TOM1: variants seen among roughly 807,000 people sequenced by gnomAD.
TOM1 encodes the protein target of Myb protein 1.
Under a neutral mutation model 61.3 loss-of-function variants are expected in TOM1, and 38 were observed. The ratio of observed to expected loss-of-function variants is 0.62; its 90% CI spans 0.48 to 0.81. TOM1 has a LOEUF of 0.81. Among genes scored for constraint, TOM1 ranks in the 40% least tolerant of loss-of-function variants. TOM1 has a pLI of 0.00. For synonymous variants in TOM1, 270 were observed against 268.8 expected, an observed-to-expected ratio of 1.00 and a Z score of -0.04; for missense variants, 591 against 659.6, an observed-to-expected ratio of 0.90 and a Z score of 1.14.
At chr22:35,315,259 C>T (rs1429583448) in intron 1 of TOM1, among the ~76,000 whole-genome samples, 2 of 152,036 alleles carry the variant, frequency 1.3e-5, no homozygotes, top group African/African-American at 4.8e-5. Flanking sequence ...GGCAGGACTT[C>T]GTGGCCTTTA....
chr22:35,344,125 CCT>C (rs1415437189), intron 12 of TOM1: 4 of 152,386 alleles, frequency 2.6e-5, no homozygotes, highest in African/African-American at 7.2e-5. Flanking sequence ...AAGGCGCACC[CCT>C]GTTAGAAGCC....
rs1223284630 is a variant in TOM1, at chr22:35,327,356, A to G, written c.734A>G (p.Gln245Arg). The G allele has an allele frequency of 3.7e-6, 6 of 1,613,660 alleles. No homozygotes were observed. Among genetic ancestry groups the G allele is most frequent in the Non-Finnish European group, 5.1e-6 (6 of 1,180,006 alleles). The change falls in exon 7 of 15, where the codon CAG becomes CGG. Residue 245 changes from glutamine (Q) to arginine (R), a missense_variant. Physicochemically the swap from Gln to Arg is conservative, Grantham distance 43 (BLOSUM62 1). Transcript: ENST00000449058. Reference sequence around the variant, plus strand: ...ATGCTGACGGAGCTGGTGCCCACCCAGGCCGAGCCCGCAGACCTGGAGCTG... The same window carrying G: ...ATGCTGACGGAGCTGGTGCCCACCCGGGCCGAGCCCGCAGACCTGGAGCTG... ...SEMLTELVPTQAEPADLELLQ... is the reference protein window; with the variant it reads ...SEMLTELVPTRAEPADLELLQ...
At chr22:35,337,518 C>T (rs1379548299) in intron 11 of TOM1, among the ~76,000 whole-genome samples, 1 of 152,248 alleles carries the variant, frequency 6.6e-6, no homozygotes, top group Non-Finnish European at 1.5e-5. Context: ...CTAGTGGTCA[C>T]ACTCCACCAG....
chr22:35,305,968 G>C (rs565249623), intron 1 of TOM1, among the ~76,000 whole-genome samples: 1 of 152,140 alleles, frequency 6.6e-6, no homozygotes, highest in Non-Finnish European at 1.5e-5. Flanking sequence ...TTGTGGCTTC[G>C]TGAACCAGAT....
intron 7 of TOM1, among the ~76,000 whole-genome samples, chr22:35,328,961 T>C (rs941488297): frequency 6.6e-6 from 1 of 152,230 alleles, no homozygotes; most frequent in Non-Finnish European, 1.5e-5. Flanking sequence ...TTTTTTATTT[T>C]TTTATTTTTT....
chr22:35,318,067 T>C, intron 2 of TOM1, 106 bp downstream of exon 2: 1 of 1,047,080 alleles, frequency 9.6e-7, no homozygotes. Context: ...ATTGCTGCCA[T>C]AGCCACCAAG....
At position 35,333,293 on chromosome 22, in the gene TOM1, G is replaced by A. The variant is rs546428214; in HGVS notation, c.934-111G>A. The A allele has an allele frequency of 9.8e-6, 10 of 1,016,070 alleles. 1 individual carries two copies. The South Asian group carries it at 1.1e-4, about 12-fold the overall frequency. 62.9% of individuals were successfully genotyped at this position (1,016,070 alleles called of 1,614,324 possible). On this transcript the variant is annotated intron_variant, in intron 9 of 14. Transcript: ENST00000449058. ...TCCCTGATGCCCAGTCCTAGCTCCT[G>A]GGGCCCTGGTGACAGATCCCTGGGC...
At chr22:35,313,687 T>C (rs1927037362) in intron 1 of TOM1, among the ~76,000 whole-genome samples, 1 of 152,216 alleles carries the variant, frequency 6.6e-6, no homozygotes, top group African/African-American at 2.4e-5. Context: ...GGTCTTGCCA[T>C]CATGCCAGGC....
rs572266531 is a variant in TOM1, at chr22:35,314,615, C to T, written c.53-3262C>T. Among the ~76,000 whole-genome samples the T allele has an allele frequency of 1.4e-4, 21 of 152,242 alleles. No individual in the cohort carries two copies. The South Asian group carries it at 4.1e-3, about 30-fold the overall frequency. ...CCTCCTCCAGGAGATGAGAGGTGCC[C>T]ATCGTTTTCAGGGGGTACTGGGGAC... On this transcript the variant is annotated intron_variant, in intron 1 of 14. Transcript: ENST00000449058.
chr22:35,331,483 C>A, intron 8 of TOM1: 1 of 348,468 alleles, frequency 2.9e-6, no homozygotes, highest in Non-Finnish European at 5.7e-6. Context: ...CTTCATTGTG[C>A]CTACCAGCTG....
chr22:35,343,158 TCCACA>T (rs1326829228), intron 12 of TOM1, among the ~76,000 whole-genome samples: 1 of 68,222 alleles, frequency 1.5e-5, no homozygotes, highest in African/African-American at 6.1e-5. Context: ...CACACACACC[TCCACA>T]CACCACACCT....
At chr22:35,332,189 G>A (rs1438772684) in intron 8 of TOM1, among the ~76,000 whole-genome samples, 2 of 152,262 alleles carry the variant, frequency 1.3e-5, no homozygotes, top group Middle Eastern at 6.8e-3. Flanking sequence ...TCTCCTGCTC[G>A]TTGGCCCAGT....
intron 2 of TOM1, among the ~76,000 whole-genome samples, chr22:35,319,237 C>A (rs1214547522): frequency 6.6e-6 from 1 of 152,126 alleles, no homozygotes; most frequent in Non-Finnish European, 1.5e-5. Flanking sequence ...ACAGCAAGCC[C>A]CCATGTCCCT....
In TOM1 at chr22:35,334,335, C is replaced by T. The variant is rs752615990; in HGVS notation, c.1035C>T (p.Gly345=). ...GCCTTTCTGTCCCTGCAGACCTGGG[C>T]TCCAGCAGTGTGAGAGCTGGCCTGC... ...LSSQLAGMNL[G]SSSVRAGLQS... is the part of the protein sequence containing the mutation. The change falls in exon 11 of 15, where the codon GGC becomes GGT. Residue 345 remains glycine (G), a synonymous_variant. Coordinates refer to ENST00000449058, the MANE Select transcript of TOM1 (RefSeq NM_005488.3). 6 of 1,613,502 alleles carry T rather than the reference C, an allele frequency of 3.7e-6. No homozygotes were observed. The African/African-American group carries it at 6.7e-5, about 18-fold the overall frequency.
chr22:35,303,839 G>A (rs542944803), intron 1 of TOM1, among the ~76,000 whole-genome samples: 8 of 152,114 alleles, frequency 5.3e-5, no homozygotes, highest in East Asian at 1.9e-4. Flanking sequence ...ATATGCCACC[G>A]TCCCACTCTG....
intron 8 of TOM1, among the ~76,000 whole-genome samples, chr22:35,331,791 G>A (rs1928863456): frequency 1.3e-5 from 2 of 152,106 alleles, no homozygotes; most frequent in African/African-American, 2.4e-5. Flanking sequence ...GGGAGGCTGA[G>A]GCAGGAGAAT....
rs761139519 is a variant in TOM1, at chr22:35,330,469, G to T, written c.888G>T (p.Leu296=). ...ATGACAATCTCAACAATGTGTTCCT[G>T]CGCCATGAACGGTAGCCCCAGCACC... is the stretch of plus-strand genomic sequence containing the variant. ...IVNDNLNNVF[L]RHERFERFRT... is the part of the protein sequence containing the mutation. Residue 296 remains leucine, a synonymous_variant, in exon 8 of 15, where the codon CTG becomes CTT. Coordinates refer to ENST00000449058, the MANE Select transcript of TOM1 (RefSeq NM_005488.3). 1.9e-6 allele frequency: 3 copies of T among 1,611,794 alleles called. No homozygotes were observed. In the South Asian group the frequency reaches 3.3e-5, roughly 18 times the overall value.
intron 7 of TOM1, among the ~76,000 whole-genome samples, chr22:35,327,598 CT>C (rs1330810779): frequency 5.9e-5 from 9 of 152,354 alleles, no homozygotes; most frequent in South Asian, 2.1e-4. Flanking sequence ...AGTAGCCCCC[CT>C]GGCCTCAGTT....
At chr22:35,313,506 C>T (rs148894578) in intron 1 of TOM1, among the ~76,000 whole-genome samples, 2 of 152,324 alleles carry the variant, frequency 1.3e-5, no homozygotes, top group Admixed American at 6.5e-5. Context: ...TGATGTCATA[C>T]TGACATTGTC....
Sources: gnomAD v4.1 joint callset for allele counts (sites outside exome capture counted in the v4.1 genomes callset) on GRCh38, gnomAD v4.1.1 for gene constraint, MANE v1.5 for transcripts, NCBI Gene and HGNC (gene_info 2026-07-23, HGNC 2026-07-21) for gene names.